Variants in SLC24A2 observed in about 807,000 individuals in gnomAD.
SLC24A2 encodes the protein solute carrier family 24 member 2.
Under a neutral mutation model 62.0 loss-of-function variants are expected in SLC24A2, and 36 were observed. The ratio of observed to expected loss-of-function variants is 0.58; its 90% CI spans 0.44 to 0.77. The LOEUF is 0.77. Among genes scored for constraint, SLC24A2 ranks in the 30% least tolerant of loss-of-function variants. SLC24A2 has a pLI of 0.00. For missense variants in SLC24A2, 846 were observed against 817.9 expected, an observed-to-expected ratio of 1.03 and a Z score of -0.42; for synonymous variants, 358 against 294.0, an observed-to-expected ratio of 1.22 and a Z score of -2.23.
the SLC24A2 span, among the ~76,000 whole-genome samples, chr9:20,293,126 T>C: frequency 6.6e-6 from 1 of 152,358 alleles, no homozygotes; most frequent in South Asian, 2.1e-4. Flanking sequence ...ATTAGTCATA[T>C]TGGATTAGGG....
chr9:20,142,655 G>A, the SLC24A2 span, among the ~76,000 whole-genome samples: 1 of 151,998 alleles, frequency 6.6e-6, no homozygotes, highest in Non-Finnish European at 1.5e-5. Context: ...GAAGTGCAGT[G>A]GCACAATCTC....
intron 2 of SLC24A2, among the ~76,000 whole-genome samples, chr9:19,771,367 T>C (rs542766008): frequency 2.1e-4 from 32 of 152,342 alleles, no homozygotes; most frequent in African/African-American, 7.7e-4. Flanking sequence ...CCAAAACATA[T>C]GTTTCCTAAG....
the SLC24A2 span, among the ~76,000 whole-genome samples, chr9:20,126,370 T>G: frequency 6.6e-6 from 1 of 152,138 alleles, no homozygotes; most frequent in Non-Finnish European, 1.5e-5. Flanking sequence ...TACTGACTTT[T>G]AGATTTTTTT....
intron 5 of SLC24A2, among the ~76,000 whole-genome samples, chr9:19,591,517 G>A (rs984948251): frequency 9.2e-5 from 14 of 152,326 alleles, no homozygotes; most frequent in Admixed American, 9.2e-4. Context: ...ATGTGACTGA[G>A]TTTTGAGCAA....
chr9:19,930,816 T>G, the SLC24A2 span, among the ~76,000 whole-genome samples: 1 of 152,230 alleles, frequency 6.6e-6, no homozygotes, highest in East Asian at 1.9e-4. Flanking sequence ...TTGTCCACAT[T>G]CAGATAGCTA....
the SLC24A2 span, among the ~76,000 whole-genome samples, chr9:19,982,435 T>C: frequency 1.3e-5 from 2 of 152,156 alleles, no homozygotes; most frequent in African/African-American, 2.4e-5. Context: ...CAGCAAAGAC[T>C]TGGGGACAAT....
chr9:19,585,557 G>A (rs1404054981), intron 5 of SLC24A2, among the ~76,000 whole-genome samples: 2 of 152,168 alleles, frequency 1.3e-5, no homozygotes, highest in Non-Finnish European at 2.9e-5. Flanking sequence ...CTACTAAGAT[G>A]TCATTGCTCC....
At chr9:20,187,694 C>G in the SLC24A2 span, among the ~76,000 whole-genome samples, 1 of 152,208 alleles carries the variant, frequency 6.6e-6, no homozygotes, top group Admixed American at 6.5e-5. Context: ...GTCATTCCCT[C>G]TCCTTCTCCC....
the SLC24A2 span, among the ~76,000 whole-genome samples, chr9:20,171,557 G>C: frequency 6.6e-6 from 1 of 151,904 alleles, no homozygotes; most frequent in African/African-American, 2.4e-5. Context: ...AAAGCAAATG[G>C]GAGTAGCTAT....
At chr9:19,548,776 G>A (rs1176157532) in intron 8 of SLC24A2, among the ~76,000 whole-genome samples, 2 of 152,206 alleles carry the variant, frequency 1.3e-5, no homozygotes, top group African/African-American at 4.8e-5. Flanking sequence ...GCATGGCCAG[G>A]GTAGCCACTG....
intron 8 of SLC24A2, among the ~76,000 whole-genome samples, chr9:19,529,604 C>T (rs1191868703): frequency 6.6e-6 from 1 of 152,106 alleles, no homozygotes; most frequent in Non-Finnish European, 1.5e-5. Flanking sequence ...ACCTTACCCT[C>T]AAATGCTTTT....
chr9:19,611,058 T>C (rs1025604573), intron 4 of SLC24A2, among the ~76,000 whole-genome samples: 1 of 152,152 alleles, frequency 6.6e-6, no homozygotes, highest in African/African-American at 2.4e-5. Context: ...GGATTCACTT[T>C]CATTGTTTTG....
At chr9:19,796,490 C>G in the SLC24A2 span, among the ~76,000 whole-genome samples, 1 of 152,210 alleles carries the variant, frequency 6.6e-6, no homozygotes, top group Non-Finnish European at 1.5e-5. Flanking sequence ...TGTCCTGAAG[C>G]CTCTTTCTTG....
the SLC24A2 span, among the ~76,000 whole-genome samples, chr9:20,075,347 A>C: frequency 6.6e-6 from 1 of 152,196 alleles, no homozygotes; most frequent in African/African-American, 2.4e-5. Flanking sequence ...GAGGCTTAGA[A>C]TAACTGGATA....
chr9:20,226,505 G>C, the SLC24A2 span, among the ~76,000 whole-genome samples: 3 of 152,138 alleles, frequency 2.0e-5, no homozygotes, highest in Admixed American at 6.6e-5. Flanking sequence ...CAACATGTGG[G>C]TTGTGACCCT....
At chr9:19,993,053 C>T in the SLC24A2 span, among the ~76,000 whole-genome samples, 10 of 152,188 alleles carry the variant, frequency 6.6e-5, no homozygotes, top group Middle Eastern at 3.4e-3. Flanking sequence ...GTGCTCTGTA[C>T]GCTTTATAGA....
intron 2 of SLC24A2, among the ~76,000 whole-genome samples, chr9:19,628,920 G>A (rs1260649382): frequency 2.0e-5 from 3 of 152,208 alleles, no homozygotes; most frequent in African/African-American, 4.8e-5. Context: ...CCTGCGAGGT[G>A]CGGGTTGGGC....
chr9:19,562,248 TCAAA>T (rs1835440911), intron 7 of SLC24A2, among the ~76,000 whole-genome samples: 1 of 152,168 alleles, frequency 6.6e-6, no homozygotes, highest in Admixed American at 6.5e-5. Context: ...AAAAAATAAT[TCAAA>T]AATCATTTCA....
At chr9:19,679,169 C>G (rs1236638079) in intron 2 of SLC24A2, among the ~76,000 whole-genome samples, 1 of 152,154 alleles carries the variant, frequency 6.6e-6, no homozygotes, top group Non-Finnish European at 1.5e-5. Flanking sequence ...CAGGTTTTTA[C>G]AAGTTACAGT....
Sources: allele counts gnomAD v4.1 joint callset (sites outside exome capture counted in the v4.1 genomes callset), GRCh38; gene constraint gnomAD v4.1.1; transcripts MANE v1.5; gene names NCBI Gene and HGNC (gene_info 2026-07-23, HGNC 2026-07-21).